The following KAZN variants were observed in gnomAD, a reference collection of about 807,000 sequenced individuals.
KAZN encodes kazrin.
Under a neutral mutation model 87.4 loss-of-function variants are expected in KAZN, and 40 were observed. That is an observed-to-expected ratio of 0.46 (90% CI 0.36 to 0.60). The LOEUF is 0.60. Among genes scored for constraint, KAZN ranks in the 20% least tolerant of loss-of-function variants. The pLI is 0.00. For synonymous variants in KAZN, 466 were observed against 458.3 expected (o/e 1.02, Z -0.22); for missense variants, 898 against 1,073.9 (o/e 0.84, Z 2.29).
chr1:14,203,375 T>C (rs899921155), intron 2 of KAZN, among the ~76,000 whole-genome samples: 1 of 152,202 alleles, frequency 6.6e-6, no homozygotes, highest in Non-Finnish European at 1.5e-5. Context: ...GAGTGTGTAC[T>C]TAGGACTGAA....
chr1:14,733,095 G>A (rs529112433), intron 1 of KAZN, among the ~76,000 whole-genome samples: 1 of 152,104 alleles, frequency 6.6e-6, no homozygotes, highest in South Asian at 2.1e-4. Context: ...GAAGACAAGT[G>A]CGCTGAGTGT....
chr1:15,101,536 T>A lies in KAZN; in HGVS notation c.1548-7T>A. 4 of 1,547,964 alleles carry A rather than the reference T, an allele frequency of 2.6e-6. 1 individual carries two copies. In the South Asian group the frequency reaches 4.8e-5, roughly 18 times the overall value. ...CCATCCACTCTCTGGCTATGTCTCC[T>A]CCCCAGCCTGTCCAAAGCTGCCGAG... On this transcript the variant is annotated splice_polypyrimidine_tract_variant and splice_region_variant and intron_variant, in intron 10 of 14. Transcript: ENST00000376030.
intron 2 of KAZN, among the ~76,000 whole-genome samples, chr1:15,027,637 G>C (rs558640349): frequency 1.3e-5 from 2 of 152,196 alleles, no homozygotes; most frequent in Admixed American, 6.5e-5. Flanking sequence ...GTTCCTGAAG[G>C]TTCCATGGGT....
chr1:14,802,900 C>T (rs1486122273), intron 1 of KAZN, among the ~76,000 whole-genome samples: 4 of 152,140 alleles, frequency 2.6e-5, no homozygotes, highest in East Asian at 1.9e-4. Context: ...GCAGCATTGG[C>T]TTGAATGCTG....
intron 1 of KAZN, among the ~76,000 whole-genome samples, chr1:14,928,371 C>T (rs1219634867): frequency 1.3e-5 from 2 of 151,922 alleles, no homozygotes; most frequent in African/African-American, 2.4e-5. Context: ...GTGTCATGAA[C>T]CTGGGAGGCG....
chr1:14,280,051 G>C, intron 2 of KAZN, among the ~76,000 whole-genome samples: 1 of 152,140 alleles, frequency 6.6e-6, no homozygotes, highest in Non-Finnish European at 1.5e-5. Context: ...TACGGTCATC[G>C]GCATATGGAC....
intron 2 of KAZN, among the ~76,000 whole-genome samples, chr1:15,003,950 C>G (rs1200325353): frequency 1.3e-5 from 2 of 152,174 alleles, no homozygotes; most frequent in Non-Finnish European, 2.9e-5. Flanking sequence ...GTCCTGGCCT[C>G]TGCTGGGGGA....
intron 2 of KAZN, among the ~76,000 whole-genome samples, chr1:14,224,130 G>T (rs1241647972): frequency 6.6e-6 from 1 of 152,138 alleles, no homozygotes; most frequent in Non-Finnish European, 1.5e-5. Context: ...AAAAAGGAAT[G>T]TCTCATACCC....
intron 1 of KAZN, among the ~76,000 whole-genome samples, chr1:14,775,524 G>A (rs1645150218): frequency 6.6e-6 from 1 of 152,264 alleles, no homozygotes; most frequent in Non-Finnish European, 1.5e-5. Context: ...TGTGGACACA[G>A]GAGAAGGTAG....
chr1:14,365,416 G>A (rs1399199497), intron 2 of KAZN, among the ~76,000 whole-genome samples: 2 of 147,626 alleles, frequency 1.4e-5, no homozygotes, highest in Non-Finnish European at 1.5e-5. Flanking sequence ...TGGATTAAGG[G>A]CCCACCCTAC....
chr1:14,667,247 C>T (rs1268013043), intron 1 of KAZN, among the ~76,000 whole-genome samples: 1 of 152,200 alleles, frequency 6.6e-6, no homozygotes, highest in Admixed American at 6.5e-5. Flanking sequence ...GGAGCCCTGG[C>T]TGTCCATGGA....
chr1:14,191,613 A>G (rs1570977681), intron 2 of KAZN, among the ~76,000 whole-genome samples: 1 of 152,126 alleles, frequency 6.6e-6, no homozygotes, highest in East Asian at 1.9e-4. Context: ...TGATCATTGG[A>G]GTTATGCTGT....
At chr1:14,420,775 C>T (rs904658395) in intron 2 of KAZN, among the ~76,000 whole-genome samples, 9 of 152,230 alleles carry the variant, frequency 5.9e-5, no homozygotes, top group Middle Eastern at 3.4e-3. Flanking sequence ...CCGGGGCCGG[C>T]GGCACCAGCC....
At chr1:14,954,773 G>A (rs556929693) in intron 1 of KAZN, among the ~76,000 whole-genome samples, 26 of 152,260 alleles carry the variant, frequency 1.7e-4, no homozygotes, top group African/African-American at 6.0e-4. Flanking sequence ...TGGCTAACAC[G>A]GTGAAACTCC....
chr1:14,553,610 G>A (rs549124876), intron 2 of KAZN, among the ~76,000 whole-genome samples: 1 of 152,324 alleles, frequency 6.6e-6, no homozygotes, highest in African/African-American at 2.4e-5. Context: ...GGCTAGTGAA[G>A]GTGCCCCCTT....
intron 2 of KAZN, among the ~76,000 whole-genome samples, chr1:14,569,007 A>G (rs1223459483): frequency 6.6e-6 from 1 of 152,310 alleles, no homozygotes; most frequent in East Asian, 1.9e-4. Context: ...GAGTCACTCA[A>G]TGAACGTTTG....
At chr1:14,629,392 A>G (rs953079371) in intron 1 of KAZN, among the ~76,000 whole-genome samples, 3 of 152,104 alleles carry the variant, frequency 2.0e-5, no homozygotes, top group African/African-American at 7.2e-5. Context: ...TTGCTCTTCT[A>G]CTAAGTCACT....
At chr1:13,994,454 G>A (rs1557769906) in intron 1 of KAZN, among the ~76,000 whole-genome samples, 1 of 152,186 alleles carries the variant, frequency 6.6e-6, no homozygotes, top group East Asian at 1.9e-4. Context: ...TTTTACAGTT[G>A]TGGGAACTGA....
At chr1:14,268,580 C>T (rs149853730) in intron 2 of KAZN, among the ~76,000 whole-genome samples, 3,222 of 152,156 alleles carry the variant, frequency 0.021, 52 homozygotes, top group Non-Finnish European at 0.034. Flanking sequence ...CTGCTCTCAC[C>T]TCTGTTTTCA....
Sources: allele counts gnomAD v4.1 joint callset (sites outside exome capture counted in the v4.1 genomes callset), GRCh38; gene constraint gnomAD v4.1.1; transcripts MANE v1.5; gene names NCBI Gene and HGNC (gene_info 2026-07-23, HGNC 2026-07-21).